Variants in IGFBP7 observed in about 807,000 individuals in gnomAD.
IGFBP7 encodes the protein insulin-like growth factor-binding protein 7.
Under a neutral mutation model 29.4 loss-of-function variants are expected in IGFBP7, and 31 were observed. The ratio of observed to expected loss-of-function variants is 1.05; its 90% CI spans 0.79 to 1.42. The LOEUF (loss-of-function observed/expected upper bound fraction) is 1.42. IGFBP7 is among the 40% of genes most tolerant of loss of function. The pLI is 0.00. For synonymous variants in IGFBP7, 172 were observed against 174.9 expected, an observed-to-expected ratio of 0.98 and a Z score of 0.13; for missense variants, 393 against 395.5, an observed-to-expected ratio of 0.99 and a Z score of 0.05.
At chr4:57,067,347 G>A (rs1724943694) in intron 1 of IGFBP7, among the ~76,000 whole-genome samples, 1 of 151,990 alleles carries the variant, frequency 6.6e-6, no homozygotes, top group African/African-American at 2.4e-5. Context: ...TGTTAGTCTT[G>A]TATTTACACT....
chr4:57,069,670 A>C (rs1725010601), intron 1 of IGFBP7, among the ~76,000 whole-genome samples: 1 of 152,098 alleles, frequency 6.6e-6, no homozygotes, highest in Admixed American at 6.5e-5. Context: ...CTCTAAAAAA[A>C]CAAACAAACA....
At chr4:57,086,638 A>G (rs1361235950) in intron 1 of IGFBP7, among the ~76,000 whole-genome samples, 1 of 152,086 alleles carries the variant, frequency 6.6e-6, no homozygotes, top group East Asian at 1.9e-4. Context: ...AATGTTTTCC[A>G]TGGGGCTTGG....
intron 1 of IGFBP7, among the ~76,000 whole-genome samples, chr4:57,061,348 A>C (rs1401708555): frequency 6.6e-6 from 1 of 152,168 alleles, no homozygotes; most frequent in African/African-American, 2.4e-5. Context: ...CCTCTGATAA[A>C]ATCTGTTTTG....
intron 1 of IGFBP7, among the ~76,000 whole-genome samples, chr4:57,109,280 A>AC (rs1468011300): frequency 1.3e-4 from 19 of 151,980 alleles, no homozygotes; most frequent in African/African-American, 4.6e-4. Flanking sequence ...ACAAAACAAA[A>AC]AACCAAAAAT....
chr4:57,070,149 T>C (rs1184747945), intron 1 of IGFBP7, among the ~76,000 whole-genome samples: 1 of 152,218 alleles, frequency 6.6e-6, no homozygotes, highest in African/African-American at 2.4e-5. Context: ...ACCAGCCCTC[T>C]GTAGGTCCTG....
In IGFBP7 at chr4:57,032,388, CTAGTCATTTTTAAATGGCTGTGAGA is replaced by C; in HGVS notation, c.829+13_829+37del. On this transcript the variant is annotated intron_variant, in intron 4 of 4. Transcript: ENST00000295666. ...TTCTGTTCTTTTTAAAGCAAATGTACTAGTCATTTTTAAATGGCTGTGAGATTTATTGTGTACCTTTTTTCACTGG... is the reference window on the plus strand; with the variant it reads ...TTCTGTTCTTTTTAAAGCAAATGTACTTTATTGTGTACCTTTTTTCACTGG... 6.2e-7 allele frequency: 1 copy of C among 1,610,210 alleles called. No individual in the cohort carries two copies. The highest frequency in any genetic ancestry group is 8.5e-7 in the Non-Finnish European group (1 of 1,178,010).
intron 1 of IGFBP7, among the ~76,000 whole-genome samples, chr4:57,083,736 G>A (rs1725429808): frequency 6.6e-6 from 1 of 152,220 alleles, no homozygotes; most frequent in Non-Finnish European, 1.5e-5. Flanking sequence ...ATGAATGGGT[G>A]AATGAATAAG....
At chr4:57,087,769 T>G (rs1725531987) in intron 1 of IGFBP7, among the ~76,000 whole-genome samples, 1 of 152,170 alleles carries the variant, frequency 6.6e-6, no homozygotes, top group Admixed American at 6.5e-5. Context: ...ACCCTAATCC[T>G]TTAATACAGG....
At chr4:57,078,310 A>G (rs911181734) in intron 1 of IGFBP7, among the ~76,000 whole-genome samples, 3 of 152,136 alleles carry the variant, frequency 2.0e-5, no homozygotes, top group African/African-American at 4.8e-5. Context: ...CCAGTGCTAC[A>G]AGGCTCATAA....
intron 1 of IGFBP7, among the ~76,000 whole-genome samples, chr4:57,079,136 G>A (rs1433609429): frequency 6.7e-6 from 1 of 149,862 alleles, no homozygotes; most frequent in Non-Finnish European, 1.5e-5. Context: ...CATCTACTTG[G>A]CTCAACTCAG....
chr4:57,049,161 A>G (rs1724439377), intron 1 of IGFBP7, among the ~76,000 whole-genome samples: 1 of 151,858 alleles, frequency 6.6e-6, no homozygotes, highest in African/African-American at 2.4e-5. Flanking sequence ...GAGCTTATAA[A>G]GGTATCACCC....
chr4:57,109,804 C>T, intron 1 of IGFBP7, 73 bp downstream of exon 1: 1 of 1,461,672 alleles, frequency 6.8e-7, no homozygotes, highest in Admixed American at 2.4e-5. Flanking sequence ...GAGGCCGCCG[C>T]GGACGCCCCG....
chr4:57,098,278 T>G (rs1725810348), intron 1 of IGFBP7, among the ~76,000 whole-genome samples: 1 of 151,772 alleles, frequency 6.6e-6, no homozygotes, highest in South Asian at 2.1e-4. Flanking sequence ...TAAGAAAGGG[T>G]TGGTGGGTGA....
At chr4:57,040,503 C>T (rs1724194469) in intron 2 of IGFBP7, among the ~76,000 whole-genome samples, 1 of 152,210 alleles carries the variant, frequency 6.6e-6, no homozygotes, top group African/African-American at 2.4e-5. Flanking sequence ...CAAACACAGA[C>T]ACACACACTT....
At chr4:57,074,237 T>C (rs1233909152) in intron 1 of IGFBP7, among the ~76,000 whole-genome samples, 3 of 152,150 alleles carry the variant, frequency 2.0e-5, no homozygotes, top group Non-Finnish European at 4.4e-5. Context: ...ATTTTGGTAT[T>C]TTTAGTGGAG....
At chr4:57,083,272 T>G (rs1725416518) in intron 1 of IGFBP7, among the ~76,000 whole-genome samples, 1 of 152,188 alleles carries the variant, frequency 6.6e-6, no homozygotes, top group Admixed American at 6.5e-5. Context: ...TTGGCAATAG[T>G]GCAGGAAGGT....
chr4:57,034,229 T>G (rs1724025901), intron 2 of IGFBP7, among the ~76,000 whole-genome samples: 1 of 152,174 alleles, frequency 6.6e-6, no homozygotes, highest in African/African-American at 2.4e-5. Flanking sequence ...GCAAAATGTT[T>G]TATTATATAA....
rs1726168539 is a variant in IGFBP7, at chr4:57,110,355, G to T, written c.-4C>A. ...CGCGCAGCGACGGCCGCTCCATGGC[G>T]GGGTGCGGTGGCAGCGGCAAGGGCG... On this transcript the variant is annotated 5_prime_UTR_variant, in exon 1 of 5. Transcript: ENST00000295666. 2 of 1,346,350 alleles carry T rather than the reference G, an allele frequency of 1.5e-6. No homozygotes were observed. The highest frequency in any genetic ancestry group is 1.5e-5 in the African/African-American group (1 of 65,836). 83.4% of individuals were successfully genotyped at this position (1,346,350 alleles called of 1,614,324 possible). A position where few individuals can be genotyped will look rare whatever the true frequency, so the allele number is the denominator to read the frequency against.
chr4:57,050,399 C>T (rs1724476094), intron 1 of IGFBP7, among the ~76,000 whole-genome samples: 1 of 152,030 alleles, frequency 6.6e-6, no homozygotes, highest in Non-Finnish European at 1.5e-5. Flanking sequence ...CAGCCATCAC[C>T]ATGCCCGGCT....
Sources: gnomAD v4.1 joint callset for allele counts (sites outside exome capture counted in the v4.1 genomes callset) on GRCh38, gnomAD v4.1.1 for gene constraint, MANE v1.5 for transcripts, NCBI Gene and HGNC (gene_info 2026-07-23, HGNC 2026-07-21) for gene names.